The following CPT1A variants were observed in gnomAD, a reference collection of about 807,000 sequenced individuals.
The protein encoded by CPT1A is carnitine O-palmitoyltransferase 1, liver isoform.
Under a neutral mutation model 100.8 loss-of-function variants are expected in CPT1A, and 64 were observed. The ratio of observed to expected loss-of-function variants is 0.63; its 90% CI spans 0.52 to 0.78. The LOEUF is 0.78. Ranked by LOEUF, CPT1A falls within the 30% of genes least tolerant of loss-of-function variation. CPT1A has a pLI of 0.00. For missense variants in CPT1A, 802 were observed against 1,034.1 expected, an observed-to-expected ratio of 0.78 and a Z score of 3.08; for synonymous variants, 363 against 396.0, an observed-to-expected ratio of 0.92 and a Z score of 0.99.
intron 2 of CPT1A, among the ~76,000 whole-genome samples, chr11:68,814,781 G>C (rs989547527): frequency 6.6e-6 from 1 of 152,054 alleles, no homozygotes; most frequent in Non-Finnish European, 1.5e-5. Context: ...CTGCCTCCCA[G>C]GTTCAAGTGA....
At chr11:68,838,507 A>C (rs1275401833) in intron 1 of CPT1A, among the ~76,000 whole-genome samples, 1 of 141,692 alleles carries the variant, frequency 7.1e-6, no homozygotes, top group Non-Finnish European at 1.5e-5. Flanking sequence ...AGAAACTGGT[A>C]ATAGTGGTGG....
intron 12 of CPT1A, among the ~76,000 whole-genome samples, chr11:68,779,147 G>A (rs1855228350): frequency 6.6e-6 from 1 of 152,118 alleles, no homozygotes; most frequent in African/African-American, 2.4e-5. Context: ...ACAGCGAGGT[G>A]CTCAGCCTGC....
intron 15 of CPT1A, 152 bp downstream of exon 15, chr11:68,762,475 T>C: frequency 4.3e-6 from 4 of 935,508 alleles, no homozygotes; most frequent in Non-Finnish European, 6.7e-6. Flanking sequence ...TTCTGTACCC[T>C]TGAAAGGGGC....
intron 9 of CPT1A, among the ~76,000 whole-genome samples, chr11:68,790,943 C>T (rs1484818317): frequency 1.3e-5 from 2 of 152,150 alleles, no homozygotes; most frequent in African/African-American, 4.8e-5. Flanking sequence ...CCTACCTCTG[C>T]CTCCTGAGTA....
chr11:68,801,014 C>T (rs541662055), intron 5 of CPT1A, among the ~76,000 whole-genome samples: 11 of 151,080 alleles, frequency 7.3e-5, no homozygotes, highest in Middle Eastern at 3.5e-3. Flanking sequence ...GAGGCTAAGG[C>T]AGGAGGATCA....
rs557817892 is a variant in CPT1A, at chr11:68,759,755, C to T, written c.2143-94G>A. ...TTCTAAATGCAACACTGGCGGGGCT[C>T]GGTGGCTTCTCCTTGTAATCCCAGC... On this transcript the variant is annotated intron_variant, in intron 17 of 18. Coordinates refer to ENST00000265641, the MANE Select transcript of CPT1A (RefSeq NM_001876.4). The T allele has an allele frequency of 8.1e-5, 75 of 931,408 alleles. No homozygotes were observed. In the East Asian group the frequency reaches 1.3e-3, roughly 17 times the overall value. The allele number at this position is 931,408 out of a possible 1,614,324, so 57.7% of individuals were successfully genotyped here.
At chr11:68,797,142 G>T (rs1007979636) in intron 6 of CPT1A, among the ~76,000 whole-genome samples, 2 of 152,198 alleles carry the variant, frequency 1.3e-5, no homozygotes, top group African/African-American at 2.4e-5. Context: ...TTTAAGTTGA[G>T]ACAGGCAGAA....
rs186160560 is a variant in CPT1A at position 68,805,635 on chromosome 11, C to T, written c.454-1534G>A. 9.1e-4 allele frequency among the ~76,000 whole-genome samples: 139 copies of T among 152,186 alleles called. 1 individual carries two copies. Among genetic ancestry groups the T allele is most frequent in the Non-Finnish European group, 1.2e-4 (8 of 68,014 alleles). On this transcript the variant is annotated intron_variant, in intron 4 of 18. Transcript: ENST00000265641. ...AGCAGAAGGGCACCGGGGCCAAGGT[C>T]GGGGCAGACAAGAAACCAAAGCAGA... is the stretch of plus-strand genomic sequence containing the variant.
intron 10 of CPT1A, among the ~76,000 whole-genome samples, chr11:68,783,116 G>A (rs191093810): frequency 2.0e-5 from 3 of 152,140 alleles, no homozygotes; most frequent in African/African-American, 4.8e-5. Flanking sequence ...GAACAACGCC[G>A]GCTTGCCCGC....
rs192902976 is a variant in CPT1A at position 68,832,187 on chromosome 11, G to A, written c.-14+9588C>T. ...GCCCAGGCCAGGTGCGGTGGCTCACGCCTCTAATCCCAGCACTTTGGCAGG... is the reference window on the plus strand; with the variant it reads ...GCCCAGGCCAGGTGCGGTGGCTCACACCTCTAATCCCAGCACTTTGGCAGG... On this transcript the variant is annotated intron_variant, in intron 1 of 18. Coordinates refer to ENST00000265641, the MANE Select transcript of CPT1A (RefSeq NM_001876.4). 1.7e-3 allele frequency among the ~76,000 whole-genome samples: 252 copies of A among 152,238 alleles called. 8 individuals are homozygous for A. In the East Asian group the frequency reaches 0.037, roughly 22 times the overall value.
intron 1 of CPT1A, among the ~76,000 whole-genome samples, chr11:68,818,250 C>T (rs544181054): frequency 1.9e-4 from 29 of 152,098 alleles, no homozygotes; most frequent in Non-Finnish European, 2.9e-4. Context: ...AATGGGCCCT[C>T]GGGCTCCTGT....
rs1055176086 is a variant in CPT1A at position 68,799,217 on chromosome 11, C to G, written c.693+1G>C. 1 of 1,613,362 alleles carries G rather than the reference C, an allele frequency of 6.2e-7. No individual in the cohort carries two copies. Among genetic ancestry groups the G allele is most frequent in the Non-Finnish European group, 8.5e-7 (1 of 1,179,432 alleles). On this transcript the variant is annotated splice_donor_variant, in intron 6 of 18. Coordinates refer to ENST00000265641, the MANE Select transcript of CPT1A (RefSeq NM_001876.4). LOFTEE classifies it high-confidence loss of function. ...AAGAAAAACTGTGTATACAGACTTA[C>G]GTAATTTGTAGCCCACCAGGATTTT...
At chr11:68,805,373 C>T (rs753146644) in intron 4 of CPT1A, among the ~76,000 whole-genome samples, 6 of 152,122 alleles carry the variant, frequency 3.9e-5, no homozygotes, top group Non-Finnish European at 8.8e-5. Context: ...ATCGCTTGAG[C>T]CCGGGAGGCG....
At position 68,841,294 on chromosome 11, in the gene CPT1A, C is replaced by CA. The variant is rs1367370895; in HGVS notation, c.-14+480_-14+481insT. 1.3e-5 allele frequency among the ~76,000 whole-genome samples: 2 copies of CA among 152,002 alleles called. No individual in the cohort carries two copies. Among genetic ancestry groups the CA allele is most frequent in the East Asian group, 3.9e-4 (2 of 5,130 alleles). On this transcript the variant is annotated intron_variant, in intron 1 of 18. Coordinates refer to ENST00000265641, the MANE Select transcript of CPT1A (RefSeq NM_001876.4). This position sits in a 1 kb window ranked among gnomAD's most constrained non-coding sequence, Gnocchi z 6.3. ...GACAGGAGCCGGAGGCCCTACTGGC[C>CA]CCGGGCGAAGGCATCCTGGAAAGCA...
rs1946706170 is a variant in CPT1A at position 68,757,035 on chromosome 11, C to T, written c.*609G>A. 2 of 158,152 alleles carry T rather than the reference C, an allele frequency of 1.3e-5. No homozygotes were observed. The highest frequency in any genetic ancestry group is 2.8e-5 in the Non-Finnish European group (2 of 71,348). 9.8% of individuals were successfully genotyped at this position (158,152 alleles called of 1,614,324 possible). On this transcript the variant is annotated 3_prime_UTR_variant, in exon 19 of 19. Coordinates refer to ENST00000265641, the MANE Select transcript of CPT1A (RefSeq NM_001876.4). ...GTGAAGACTTGAAGACATACAAGGT[C>T]AGTAAAACTGAAGACCTTGCATCCT...
intron 14 of CPT1A, among the ~76,000 whole-genome samples, chr11:68,763,534 G>A (rs1403205098): frequency 1.3e-5 from 2 of 152,166 alleles, no homozygotes; most frequent in East Asian, 1.9e-4. Context: ...GCAGGAGGGC[G>A]GGAAGTGGGT....
At chr11:68,833,384 A>T (rs1014961935) in intron 1 of CPT1A, among the ~76,000 whole-genome samples, 2 of 152,258 alleles carry the variant, frequency 1.3e-5, no homozygotes, top group African/African-American at 2.4e-5. Flanking sequence ...CCACATCGTT[A>T]TTCAATTGCA....
intron 1 of CPT1A, among the ~76,000 whole-genome samples, chr11:68,837,305 C>G (rs1857033365): frequency 6.6e-6 from 1 of 152,180 alleles, no homozygotes; most frequent in South Asian, 2.1e-4. Flanking sequence ...ATCGTGGCCT[C>G]CAGAAGTGCT....
At chr11:68,833,126 C>G (rs908005138) in intron 1 of CPT1A, among the ~76,000 whole-genome samples, 1 of 152,178 alleles carries the variant, frequency 6.6e-6, no homozygotes, top group African/African-American at 2.4e-5. Context: ...TGCATGATGT[C>G]CAAGGTGGCA....
Sources: allele counts gnomAD v4.1 joint callset (sites outside exome capture counted in the v4.1 genomes callset), GRCh38; gene constraint gnomAD v4.1.1; non-coding constraint Gnocchi (gnomAD v3.1); transcripts MANE v1.5; gene names NCBI Gene and HGNC (gene_info 2026-07-23, HGNC 2026-07-21).